Variants in URI1 observed in about 807,000 individuals in gnomAD.
URI1 encodes the protein URI1 prefoldin like chaperone.
Under a neutral mutation model 60.2 loss-of-function variants are expected in URI1, and 39 were observed. That is an observed-to-expected ratio of 0.65 (90% CI 0.50 to 0.85). The LOEUF (loss-of-function observed/expected upper bound fraction) is 0.85. URI1 is among the 40% of genes least tolerant of loss of function. URI1 has a pLI of 0.00. For missense variants in URI1, 691 were observed against 665.9 expected (o/e 1.04, Z -0.42); for synonymous variants, 251 against 236.8 (o/e 1.06, Z -0.55).
chr19:29,923,828 T>C lies in URI1; in HGVS notation c.63+74T>C, dbSNP rs550445714. The C allele has an allele frequency of 2.1e-5, 29 of 1,411,160 alleles. No homozygotes were observed. The South Asian group carries it at 3.3e-4, about 16-fold the overall frequency. 87.4% of individuals were successfully genotyped at this position (1,411,160 alleles called of 1,614,324 possible). ...GTTTGAGGATTTTACTTTAACCACA[T>C]GGATTAGTCAGAGAAACAGAATGAA... On this transcript the variant is annotated intron_variant, in intron 1 of 10. Transcript: ENST00000360605.
chr19:30,011,302 T>A (rs2056016251), intron 9 of URI1, 66 bp downstream of exon 9: 1 of 1,521,812 alleles, frequency 6.6e-7, no homozygotes, highest in Admixed American at 2.4e-5. Context: ...ACTGAACCTT[T>A]ACTGGAGAAA....
intron 1 of URI1, among the ~76,000 whole-genome samples, chr19:29,924,261 C>G (rs960251479): frequency 1.3e-5 from 2 of 152,088 alleles, no homozygotes; most frequent in African/African-American, 4.8e-5. Context: ...ATCTGGGTAT[C>G]CCTTAACCCA....
At chr19:29,990,165 T>G (rs2055728489) in intron 4 of URI1, among the ~76,000 whole-genome samples, 1 of 152,172 alleles carries the variant, frequency 6.6e-6, no homozygotes, top group Non-Finnish European at 1.5e-5. Flanking sequence ...TGAAATGACT[T>G]TGCACCTTTG....
intron 1 of URI1, among the ~76,000 whole-genome samples, chr19:29,953,259 C>G (rs2055201798): frequency 6.6e-6 from 1 of 152,024 alleles, no homozygotes; most frequent in African/African-American, 2.4e-5. Flanking sequence ...AATAAAAATT[C>G]AGTTTTTTGG....
intron 4 of URI1, among the ~76,000 whole-genome samples, chr19:29,991,003 C>T (rs2055739267): frequency 1.3e-5 from 2 of 152,128 alleles, no homozygotes; most frequent in African/African-American, 2.4e-5. Context: ...ATTACTGTAG[C>T]ATTATAGTGT....
intron 2 of URI1, among the ~76,000 whole-genome samples, chr19:29,983,512 A>C (rs1052744566): frequency 6.6e-6 from 1 of 152,192 alleles, no homozygotes; most frequent in East Asian, 1.9e-4. Flanking sequence ...GTTGTTACCT[A>C]CATTGCAGTT....
chr19:29,955,183 C>T (rs1432190981), intron 1 of URI1, among the ~76,000 whole-genome samples: 3 of 150,214 alleles, frequency 2.0e-5, no homozygotes, highest in Non-Finnish European at 4.4e-5. Flanking sequence ...CCAGGATGGT[C>T]TCGATCTCCT....
chr19:30,011,305 TG>T, intron 9 of URI1, 69 bp downstream of exon 9: 1 of 1,514,172 alleles, frequency 6.6e-7, no homozygotes. Flanking sequence ...GAACCTTTAC[TG>T]GAGAAAGTTG....
Position 29,942,539 on chromosome 19 carries a change from G to C in URI1, c.-9G>C. On this transcript the variant is annotated 5_prime_UTR_variant, in exon 1 of 11. Transcript: ENST00000392271. ...ACTCACACGCCGCGCTGAGGCCCGC[G>C]GGCCCGTCATGGAGGCGCCCACCGT... 2 of 1,396,776 alleles carry C rather than the reference G, an allele frequency of 1.4e-6. No individual in the cohort carries two copies. The highest frequency in any genetic ancestry group is 1.9e-6 in the Non-Finnish European group (2 of 1,075,210). 86.5% of individuals were successfully genotyped at this position (1,396,776 alleles called of 1,614,324 possible).
chr19:29,971,311 G>C, intron 2 of URI1, 84 bp downstream of exon 2: 1 of 1,381,096 alleles, frequency 7.2e-7, no homozygotes, highest in South Asian at 1.2e-5. Flanking sequence ...TACTGTTTGC[G>C]TGTGTGTGTA....
chr19:29,940,595 G>C (rs2055013509), upstream of URI1, among the ~76,000 whole-genome samples: 1 of 152,062 alleles, frequency 6.6e-6, no homozygotes, highest in African/African-American at 2.4e-5. Flanking sequence ...GGTGCAGTGA[G>C]CCAAGATGGC....
chr19:29,992,665 A>G (rs1359374001), intron 4 of URI1, among the ~76,000 whole-genome samples: 1 of 152,208 alleles, frequency 6.6e-6, no homozygotes, highest in Admixed American at 6.5e-5. Context: ...GTTTTACTCT[A>G]AATACTTGCT....
At chr19:29,942,796 A>T in intron 1 of URI1, 132 bp downstream of exon 1, 1 of 1,121,482 alleles carries the variant, frequency 8.9e-7, no homozygotes, top group Non-Finnish European at 1.1e-6. Context: ...AACTTTTGTC[A>T]CGTGCTTCTG....
At chr19:30,000,093 G>A (rs1002765431) in intron 4 of URI1, among the ~76,000 whole-genome samples, 1 of 150,930 alleles carries the variant, frequency 6.6e-6, no homozygotes, top group Non-Finnish European at 1.5e-5. Context: ...TGCTATTGTT[G>A]TATCACAATT....
At chr19:29,998,227 G>T (rs1215533258) in intron 4 of URI1, among the ~76,000 whole-genome samples, 1 of 151,828 alleles carries the variant, frequency 6.6e-6, no homozygotes, top group Non-Finnish European at 1.5e-5. Context: ...TAAATTTTTC[G>T]AGACTTATTT....
intron 1 of URI1, among the ~76,000 whole-genome samples, chr19:29,946,074 C>T (rs930438674): frequency 6.0e-4 from 92 of 152,222 alleles, no homozygotes; most frequent in Non-Finnish European, 1.2e-3. Context: ...CCTTCCCCCC[C>T]CCAAAGGTTT....
chr19:29,948,493 G>T (rs923392867), intron 1 of URI1, among the ~76,000 whole-genome samples: 3 of 152,084 alleles, frequency 2.0e-5, no homozygotes, highest in African/African-American at 7.2e-5. Flanking sequence ...GTAATTTATT[G>T]AAAAGAGTAT....
At chr19:29,970,944 G>A in intron 1 of URI1, 1 of 500,688 alleles carries the variant, frequency 2.0e-6, no homozygotes. Flanking sequence ...TATGAAGCGG[G>A]TTTTGTACCA....
intron 4 of URI1, among the ~76,000 whole-genome samples, chr19:29,995,471 C>T (rs555668294): frequency 3.3e-5 from 5 of 151,152 alleles, no homozygotes; most frequent in South Asian, 2.1e-4. Flanking sequence ...ATATTAGTCC[C>T]TTATCAGAAG....
Sources: gnomAD v4.1 joint callset for allele counts (sites outside exome capture counted in the v4.1 genomes callset) on GRCh38, gnomAD v4.1.1 for gene constraint, MANE v1.5 for transcripts, NCBI Gene and HGNC (gene_info 2026-07-23, HGNC 2026-07-21) for gene names.